MAGI2: variants seen among roughly 807,000 people sequenced by gnomAD.
MAGI2 encodes membrane associated guanylate kinase, WW and PDZ domain containing 2, also known as membrane-associated guanylate kinase, WW and PDZ domain-containing protein 2.
A neutral mutation model predicts 133.3 loss-of-function variants in MAGI2; 35 were observed. That is an observed-to-expected ratio of 0.26 (90% confidence interval 0.20 to 0.35). The LOEUF is 0.35. MAGI2 is among the 10% of genes least tolerant of loss of function. MAGI2 has a pLI of 1.00. For missense variants in MAGI2, 1,636 were observed against 1,863.4 expected (o/e 0.88, Z 2.25); for synonymous variants, 729 against 710.6 (o/e 1.03, Z -0.41).
intron 1 of MAGI2, among the ~76,000 whole-genome samples, chr7:79,272,936 A>C (rs769528411): frequency 1.3e-5 from 2 of 152,104 alleles, no homozygotes; most frequent in African/African-American, 2.4e-5. Context: ...AGCAAGAAAG[A>C]TACTCAGTAG....
At chr7:78,872,073 T>A (rs1270540653) in intron 2 of MAGI2, among the ~76,000 whole-genome samples, 3 of 151,736 alleles carry the variant, frequency 2.0e-5, no homozygotes, top group Non-Finnish European at 1.5e-5. Flanking sequence ...CAAAGTATAC[T>A]TATGGAATAC....
chr7:79,134,050 T>C (rs1821165884), intron 1 of MAGI2, among the ~76,000 whole-genome samples: 1 of 152,200 alleles, frequency 6.6e-6, no homozygotes, highest in Non-Finnish European at 1.5e-5. Context: ...CAATACAAAT[T>C]CTTCTGTACT....
At chr7:78,873,408 C>A (rs973682543) in intron 2 of MAGI2, among the ~76,000 whole-genome samples, 1 of 152,026 alleles carries the variant, frequency 6.6e-6, no homozygotes, top group African/African-American at 2.4e-5. Flanking sequence ...CCTGTCAGAT[C>A]ATCATCAGCA....
chr7:79,297,272 A>T (rs1469182163), intron 1 of MAGI2, among the ~76,000 whole-genome samples: 2 of 152,228 alleles, frequency 1.3e-5, no homozygotes, highest in African/African-American at 4.8e-5. Context: ...ATAAACTATG[A>T]TATTAAAATA....
chr7:78,429,280 C>CCTTG (rs57370516), intron 6 of MAGI2, among the ~76,000 whole-genome samples: 38,202 of 151,708 alleles, frequency 0.25, 5,839 homozygotes, highest in African/African-American at 0.44. Flanking sequence ...TTTCTCTGGT[C>CCTTG]TTTGGTGCTA....
At chr7:78,940,994 C>T (rs374359066) in intron 2 of MAGI2, 13 of 152,230 alleles carry the variant, frequency 8.5e-5, no homozygotes, top group African/African-American at 2.6e-4. Context: ...ATGGGGAAGC[C>T]GCTTTCATAT....
chr7:78,999,287 C>G (rs1357343407), intron 2 of MAGI2, among the ~76,000 whole-genome samples: 3 of 151,884 alleles, frequency 2.0e-5, no homozygotes, highest in Middle Eastern at 3.4e-3. Context: ...AGATCGTATA[C>G]TGTTGGTGCT....
In MAGI2 at chr7:78,575,380, C is replaced by T. The variant is rs536886166; in HGVS notation, c.538+51740G>A. 5.8e-4 allele frequency among the ~76,000 whole-genome samples: 88 copies of T among 152,114 alleles called. 1 individual carries two copies. The highest frequency in any genetic ancestry group is 3.4e-3 in the Middle Eastern group (1 of 294). On this transcript the variant is annotated intron_variant, in intron 3 of 21. Transcript: ENST00000354212. ...AATGAGGTAGAATAGAAAAATCTCC[C>T]GTATAGAAGAATTCTATTTAATGTA...
chr7:79,236,281 T>C (rs1831918234), intron 1 of MAGI2, among the ~76,000 whole-genome samples: 1 of 152,138 alleles, frequency 6.6e-6, no homozygotes, highest in South Asian at 2.1e-4. Context: ...GATCAATAAT[T>C]AGTTAATTTC....
intron 1 of MAGI2, chr7:79,354,335 C>T (rs528636521): frequency 6.5e-6 from 1 of 152,716 alleles, no homozygotes; most frequent in Admixed American, 6.5e-5. Context: ...CAGTCCCCCA[C>T]ACTCATCTGG....
rs140158380 is a variant in MAGI2, at chr7:78,246,738, G to A, written c.2047+9205C>T. On this transcript the variant is annotated intron_variant, in intron 10 of 21. Transcript: ENST00000354212. ...CACTAAATAGTGTCTCATCCCCCAC[G>A]ATCTGACTTGACGCTATGTCGTATT... Among the ~76,000 whole-genome samples the A allele has an allele frequency of 2.3e-3, 351 of 152,266 alleles. 1 individual carries two copies. The highest frequency in any genetic ancestry group is 3.4e-3 in the Middle Eastern group (1 of 294).
chr7:79,427,560 G>C (rs1456521128), intron 1 of MAGI2, among the ~76,000 whole-genome samples: 3 of 152,040 alleles, frequency 2.0e-5, no homozygotes, highest in African/African-American at 7.2e-5. Flanking sequence ...TTTTCAGCAG[G>C]CAAAACTCAG....
At chr7:78,618,445 AG>A (rs1293119722) in intron 3 of MAGI2, 1 of 151,998 alleles carries the variant, frequency 6.6e-6, no homozygotes, top group Non-Finnish European at 1.5e-5. Context: ...AAAACAACAC[AG>A]AGGGTTTGAA....
chr7:78,369,270 G>T, intron 6 of MAGI2, 57 bp from the exon 7 acceptor site: 1 of 1,222,748 alleles, frequency 8.2e-7, no homozygotes, highest in Non-Finnish European at 1.2e-6. Context: ...CTAATAAAAA[G>T]TAATATAATT....
chr7:78,865,043 C>T (rs1584204609), intron 2 of MAGI2, among the ~76,000 whole-genome samples: 1 of 152,138 alleles, frequency 6.6e-6, no homozygotes, highest in East Asian at 1.9e-4. Flanking sequence ...TAATCAGGGC[C>T]TAGTGCTGTC....
At chr7:78,690,263 G>T (rs1482531012) in intron 2 of MAGI2, among the ~76,000 whole-genome samples, 2 of 152,138 alleles carry the variant, frequency 1.3e-5, no homozygotes, top group African/African-American at 4.8e-5. Context: ...TAACCACACT[G>T]CTCACAATGT....
rs1272056077 is a variant in MAGI2, at chr7:78,017,298, G to C, written c.*2017C>G. 6.6e-6 allele frequency: 1 copy of C among 152,668 alleles called. No homozygotes were observed. Among genetic ancestry groups the C allele is most frequent in the Non-Finnish European group, 1.5e-5 (1 of 68,040 alleles). The allele number at this position is 152,668 out of a possible 1,614,324, so 9.5% of individuals were successfully genotyped here. ...CAAATATTATTTGGAATGGGATTTA[G>C]ATGATGTGCTGTCTTCACAGGTTAT... is the stretch of plus-strand genomic sequence containing the variant. On this transcript the variant is annotated 3_prime_UTR_variant, in exon 22 of 22. Coordinates refer to ENST00000354212, the MANE Select transcript of MAGI2 (RefSeq NM_012301.4).
intron 1 of MAGI2, among the ~76,000 whole-genome samples, chr7:79,017,031 C>T (rs116844122): frequency 7.9e-5 from 12 of 152,360 alleles, no homozygotes; most frequent in Non-Finnish European, 1.5e-4. Context: ...TTGCAAGTGC[C>T]CCAACAAAGG....
At chr7:78,768,550 C>T (rs1180391104) in intron 2 of MAGI2, among the ~76,000 whole-genome samples, 1 of 152,128 alleles carries the variant, frequency 6.6e-6, no homozygotes, top group Non-Finnish European at 1.5e-5. Flanking sequence ...GGAAGGTGCT[C>T]ACGATGAAAA....
Sources: allele counts gnomAD v4.1 joint callset (sites outside exome capture counted in the v4.1 genomes callset), GRCh38; gene constraint gnomAD v4.1.1; transcripts MANE v1.5; gene names NCBI Gene and HGNC (gene_info 2026-07-23, HGNC 2026-07-21).